Variants in TNKS observed in about 807,000 individuals in gnomAD.
TNKS encodes tankyrase, also known as poly [ADP-ribose] polymerase tankyrase-1.
A neutral mutation model predicts 135.8 loss-of-function variants in TNKS; 72 were observed. The ratio of observed to expected loss-of-function variants is 0.53; its 90% CI spans 0.44 to 0.64. The LOEUF is 0.64. Ranked by LOEUF, TNKS falls within the 30% of genes least tolerant of loss-of-function variation. The pLI is 0.00. For synonymous variants in TNKS, 849 were observed against 649.3 expected (o/e 1.31, Z -4.68); for missense variants, 1,769 against 1,674.0 (o/e 1.06, Z -0.99).
chr8:9,735,947 G>A (rs1805680295), intron 17 of TNKS, among the ~76,000 whole-genome samples: 1 of 151,772 alleles, frequency 6.6e-6, no homozygotes, highest in Non-Finnish European at 1.5e-5. Context: ...CAGAGTTTTG[G>A]TGTATCTTCC....
intron 2 of TNKS, among the ~76,000 whole-genome samples, chr8:9,606,347 A>T (rs1435134426): frequency 6.6e-6 from 1 of 151,978 alleles, no homozygotes; most frequent in Non-Finnish European, 1.5e-5. Context: ...ATAGTTTTTC[A>T]ATTGGAAGTT....
chr8:9,775,459 C>CTATATATATATATATA lies in TNKS; in HGVS notation c.3898-1161_3898-1146dup, dbSNP rs59789406. Among the ~76,000 whole-genome samples the CTATATATATATATATA allele has an allele frequency of 2.2e-3, 178 of 80,572 alleles. 1 individual carries two copies. Among genetic ancestry groups the CTATATATATATATATA allele is most frequent in the Non-Finnish European group, 3.3e-3 (132 of 40,198 alleles). 52.9% of individuals were successfully genotyped at this position (80,572 alleles called of 152,430 possible). A position where few individuals can be genotyped will look rare whatever the true frequency, so the allele number is the denominator to read the frequency against. On this transcript the variant is annotated intron_variant, in intron 26 of 26. Transcript: ENST00000310430. Reference sequence around the variant, plus strand: ...ACGGAAAAGAATATTATGAATGGTTCTATATATATATATATATATATATAT... The same window carrying CTATATATATATATATA: ...ACGGAAAAGAATATTATGAATGGTTCTATATATATATATATATATATATATATATATATATATATAT...
At chr8:9,748,328 T>G (rs1367939944) in intron 18 of TNKS, 116 bp downstream of exon 18, 2 of 967,016 alleles carry the variant, frequency 2.1e-6, no homozygotes, top group Admixed American at 4.2e-5. Context: ...AACAGAGATC[T>G]TCTGAAAATT....
intron 3 of TNKS, among the ~76,000 whole-genome samples, chr8:9,654,333 C>A (rs1299558608): frequency 6.6e-6 from 1 of 151,952 alleles, no homozygotes; most frequent in Non-Finnish European, 1.5e-5. Context: ...TTATTCTTAA[C>A]CTACTAGTAC....
intron 2 of TNKS, among the ~76,000 whole-genome samples, chr8:9,585,599 T>G (rs940774593): frequency 6.6e-6 from 1 of 152,208 alleles, no homozygotes; most frequent in Non-Finnish European, 1.5e-5. Context: ...TGGAATAACC[T>G]TCTAAAGCCT....
At chr8:9,745,096 C>A (rs1365627431) in intron 17 of TNKS, among the ~76,000 whole-genome samples, 2 of 152,108 alleles carry the variant, frequency 1.3e-5, no homozygotes, top group African/African-American at 2.4e-5. Flanking sequence ...TGTAACCTCA[C>A]TGGGGAGAAG....
chr8:9,742,769 G>T (rs1806034408), intron 17 of TNKS, among the ~76,000 whole-genome samples: 1 of 148,290 alleles, frequency 6.7e-6, no homozygotes, highest in East Asian at 2.0e-4. Context: ...GTATTTATTA[G>T]TACTCCTTAA....
In TNKS at chr8:9,556,602, C is replaced by G. The variant is rs763048915; in HGVS notation, c.663C>G (p.His221Gln). 1 of 1,613,582 alleles carries G rather than the reference C, an allele frequency of 6.2e-7. No homozygotes were observed. Among genetic ancestry groups the G allele is most frequent in the Non-Finnish European group, 8.5e-7 (1 of 1,180,036 alleles). The part of the protein sequence containing the change: ...DMAGRKSSPL[H>Q]FAAGFGRKDV... Reference sequence around the variant, plus strand: ...CCGGCCGGAAGTCTTCTCCCCTGCACTTCGCTGCAGGTCAGAGACTTTTGA... The same window carrying G: ...CCGGCCGGAAGTCTTCTCCCCTGCAGTTCGCTGCAGGTCAGAGACTTTTGA... Residue 221 changes from histidine (H) to glutamine (Q), a missense_variant, in exon 1 of 27, where the codon CAC becomes CAG. By Grantham distance (24) the His-to-Gln change is conservative. Around this residue, in one of 5 missense-constraint regions of TNKS, gnomAD observed 5 missense variants for 18.9 expected, o/e 0.26. Coordinates refer to ENST00000310430, the MANE Select transcript of TNKS (RefSeq NM_003747.3).
chr8:9,572,848 C>T (rs1797807349), intron 1 of TNKS, among the ~76,000 whole-genome samples: 1 of 152,116 alleles, frequency 6.6e-6, no homozygotes, highest in African/African-American at 2.4e-5. Context: ...TAGTGAATGG[C>T]AAGTCTGTTG....
chr8:9,721,762 GC>G (rs1209765887), intron 12 of TNKS, among the ~76,000 whole-genome samples: 3 of 151,968 alleles, frequency 2.0e-5, no homozygotes, highest in Non-Finnish European at 2.9e-5. Flanking sequence ...TATATAAAAC[GC>G]CCTAACTAGA....
chr8:9,676,496 A>G (rs534590284), intron 3 of TNKS, among the ~76,000 whole-genome samples: 13 of 152,324 alleles, frequency 8.5e-5, no homozygotes, highest in African/African-American at 3.1e-4. Flanking sequence ...TAAGTCAGTA[A>G]TCATGACTTC....
At chr8:9,679,480 T>G (rs1218718738) in intron 3 of TNKS, among the ~76,000 whole-genome samples, 1 of 152,206 alleles carries the variant, frequency 6.6e-6, no homozygotes, top group African/African-American at 2.4e-5. Flanking sequence ...ATTAATGTTT[T>G]TTTTTTAACT....
In TNKS at chr8:9,575,164, G is replaced by A. The variant is rs978380683; in HGVS notation, c.674-4995G>A. ...TATAGGGGCGCGATCTCGGCTCATT[G>A]CAAGCTCCGCCTCCCGGGTTCACGC... On this transcript the variant is annotated intron_variant, in intron 1 of 26. Coordinates refer to ENST00000310430, the MANE Select transcript of TNKS (RefSeq NM_003747.3). 4.3e-5 allele frequency: 32 copies of A among 752,584 alleles called. No homozygotes were observed. In the African/African-American group the frequency reaches 5.3e-4, roughly 13 times the overall value. 46.6% of individuals were successfully genotyped at this position (752,584 alleles called of 1,614,324 possible).
rs1205037631 is a variant in TNKS, at chr8:9,748,085, G to A, written c.2705G>A (p.Trp902Ter). ...YNTCVNATDK[W>*]AFTPLHEAAQ... is the part of the protein sequence containing the mutation. ...ACGTGTGTAAATGCAACAGATAAGT[G>A]GGCGTTTACTCCCCTCCATGAAGCA... The change falls in exon 18 of 27, where the codon TGG becomes TAG. Residue 902 changes from tryptophan to a stop codon, truncating the protein, a stop_gained. Transcript: ENST00000310430. LOFTEE classifies it high-confidence loss of function. 1 of 1,613,712 alleles carries A rather than the reference G, an allele frequency of 6.2e-7. No individual in the cohort carries two copies. The highest frequency in any genetic ancestry group is 1.3e-5 in the African/African-American group (1 of 74,854).
intron 1 of TNKS, among the ~76,000 whole-genome samples, chr8:9,570,095 A>T (rs912147205): frequency 1.3e-5 from 2 of 152,168 alleles, no homozygotes; most frequent in East Asian, 3.8e-4. Flanking sequence ...TAAATATTTT[A>T]AAAATTGTTC....
chr8:9,764,598 C>T (rs6987259), intron 22 of TNKS, 118 bp from the exon 23 acceptor site: 46,793 of 603,364 alleles, frequency 0.078, 2,243 homozygotes, highest in South Asian at 0.16. Context: ...ATCCACTAAA[C>T]TTGTTCATCA....
At chr8:9,593,797 T>G (rs1798673346) in intron 2 of TNKS, among the ~76,000 whole-genome samples, 1 of 152,126 alleles carries the variant, frequency 6.6e-6, no homozygotes, top group African/African-American at 2.4e-5. Flanking sequence ...TGGCACGGGA[T>G]TGGGGATGGG....
chr8:9,591,251 C>G (rs1344508149), intron 2 of TNKS, among the ~76,000 whole-genome samples: 1 of 152,082 alleles, frequency 6.6e-6, no homozygotes, highest in Non-Finnish European at 1.5e-5. Flanking sequence ...TCCCTAGGTC[C>G]ATTTGGCTAA....
intron 2 of TNKS, among the ~76,000 whole-genome samples, chr8:9,610,592 ATTTTC>A (rs2128763337): frequency 6.6e-6 from 1 of 152,194 alleles, no homozygotes; most frequent in Non-Finnish European, 1.5e-5. Context: ...AAAATTAAAA[ATTTTC>A]TTTGCTTAAA....
Sources: gnomAD v4.1 joint callset for allele counts (sites outside exome capture counted in the v4.1 genomes callset) on GRCh38, gnomAD v4.1.1 for gene constraint, gnomAD v4.1.1 regional missense constraint, MANE v1.5 for transcripts, NCBI Gene and HGNC (gene_info 2026-07-23, HGNC 2026-07-21) for gene names.